Variants in ABCD4 observed in about 807,000 individuals in gnomAD.
ABCD4 encodes the protein lysosomal cobalamin transporter ABCD4.
In ABCD4, 53 loss-of-function variants were observed where a neutral mutation model predicts 86.3. The observed-to-expected ratio is 0.61, with a 90% CI of 0.49 to 0.77. ABCD4 has a LOEUF of 0.77. Among genes scored for constraint, ABCD4 ranks in the 30% least tolerant of loss-of-function variants. The pLI is 0.00. For synonymous variants in ABCD4, 328 were observed against 313.6 expected (o/e 1.05, Z -0.49); for missense variants, 757 against 764.5 (o/e 0.99, Z 0.12).
intron 11 of ABCD4, among the ~76,000 whole-genome samples, chr14:74,291,928 C>T (rs1217953619): frequency 6.6e-6 from 1 of 152,164 alleles, no homozygotes; most frequent in Non-Finnish European, 1.5e-5. Flanking sequence ...CGGATACAGA[C>T]ATCTCTGGGG....
chr14:74,292,966 C>T lies in ABCD4; in HGVS notation c.815-97G>A, dbSNP rs780540874. ...GGGAGCAGGACGCCAAGTAGGGCCA[C>T]GTGGACTCTCTGGATCCTCATTCTC... On this transcript the variant is annotated intron_variant, in intron 8 of 18. Transcript: ENST00000356924. 168 of 1,567,874 alleles carry T rather than the reference C, an allele frequency of 1.1e-4. No individual in the cohort carries two copies. The Admixed American group carries it at 1.3e-3, about 12-fold the overall frequency.
In ABCD4 at chr14:74,287,060, C is replaced by T. The variant is rs866931154; in HGVS notation, c.1637-244G>A. Among the ~76,000 whole-genome samples, 6 of 152,150 alleles carry T rather than the reference C, an allele frequency of 3.9e-5. No homozygotes were observed. In the East Asian group the frequency reaches 7.7e-4, roughly 20 times the overall value. On this transcript the variant is annotated intron_variant, in intron 17 of 18. Transcript: ENST00000356924. ...TTCTATAGATAAGCACCAGCCACTC[C>T]CTGGGACCACTCAATCCAGGGAATC...
At chr14:74,289,766 T>C (rs1326984807) in intron 13 of ABCD4, 3 of 1,434,760 alleles carry the variant, frequency 2.1e-6, no homozygotes, top group Non-Finnish European at 2.7e-6. Context: ...AATCCGACCT[T>C]GGGTGTTTGA....
At chr14:74,292,034 T>C (rs1277237167) in intron 11 of ABCD4, among the ~76,000 whole-genome samples, 1 of 152,304 alleles carries the variant, frequency 6.6e-6, no homozygotes, top group African/African-American at 2.4e-5. Flanking sequence ...GGGAGGACAC[T>C]GCAGATTCCT....
intron 12 of ABCD4, 48 bp downstream of exon 12, chr14:74,290,243 C>G (rs780439786): frequency 1.2e-6 from 2 of 1,612,250 alleles, no homozygotes; most frequent in Admixed American, 3.3e-5. Context: ...CTTCACCCCA[C>G]CCCTAGGGCC....
intron 1 of ABCD4, among the ~76,000 whole-genome samples, chr14:74,302,004 G>A (rs1460314524): frequency 2.0e-5 from 3 of 147,768 alleles, no homozygotes; most frequent in African/African-American, 5.0e-5. Flanking sequence ...GAACGATGGA[G>A]GGATACCGGG....
At position 74,287,850 on chromosome 14, in the gene ABCD4, G is replaced by C. The variant is rs762933401; in HGVS notation, c.1596C>G (p.Leu532=). 10 of 1,613,424 alleles carry C rather than the reference G, an allele frequency of 6.2e-6. No individual in the cohort carries two copies. The highest frequency in any genetic ancestry group is 2.2e-5 in the East Asian group (1 of 44,846). ...GCAGGTAGAAGAGTCGGGCAAAGGA[G>C]AGCCGTTGCATCTCCCCCGGGGACA... The part of the protein sequence containing the change: ...DVLSPGEMQR[L]SFARLFYLQP... Residue 532 remains leucine (L), a synonymous_variant, in exon 17 of 19, where the codon CTC becomes CTG. Coordinates refer to ENST00000356924, the MANE Select transcript of ABCD4 (RefSeq NM_005050.4).
At position 74,295,123 on chromosome 14, in the gene ABCD4, A is replaced by G. The variant is rs755650862; in HGVS notation, c.719+25T>C. On this transcript the variant is annotated intron_variant, in intron 7 of 18. Transcript: ENST00000356924. ...CCACTCTCAGCTCTGGCAAGGCAGA[A>G]GGGGAACCATCTCTCCAGACTCACC... is the stretch of plus-strand genomic sequence containing the variant. 3.7e-6 allele frequency: 6 copies of G among 1,613,628 alleles called. No homozygotes were observed. In the African/African-American group the frequency reaches 5.3e-5, roughly 14 times the overall value.
chr14:74,292,156 G>T, intron 11 of ABCD4, 131 bp downstream of exon 11: 1 of 804,532 alleles, frequency 1.2e-6, no homozygotes, highest in Non-Finnish European at 2.1e-6. Context: ...ACATGTGCCT[G>T]GCATTCCATT....
chr14:74,288,061 T>C, intron 16 of ABCD4, 146 bp downstream of exon 16: 3 of 1,090,978 alleles, frequency 2.7e-6, no homozygotes, highest in Non-Finnish European at 4.0e-6. Flanking sequence ...CAAAACTCTG[T>C]TCCCAAGGGC....
intron 4 of ABCD4, chr14:74,297,700 C>T (rs935574934): frequency 1.8e-5 from 22 of 1,229,794 alleles, no homozygotes; most frequent in Non-Finnish European, 1.8e-5. Context: ...GTTGGGACTA[C>T]AGGTGCATGC....
chr14:74,296,550 C>G (rs1267520541), intron 4 of ABCD4, 101 bp from the exon 5 acceptor site: 1 of 1,094,450 alleles, frequency 9.1e-7, no homozygotes, highest in Non-Finnish European at 1.4e-6. Flanking sequence ...CCTTGCCTCA[C>G]AGTGCTGTGA....
intron 4 of ABCD4, chr14:74,296,778 A>C (rs1293933029): frequency 8.2e-6 from 2 of 243,566 alleles, no homozygotes; most frequent in Admixed American, 1.0e-4. Context: ...GTTTTGGATG[A>C]TCAAGAAGAC....
In ABCD4 at chr14:74,298,079, G is replaced by C. The variant is rs745870763; in HGVS notation, c.286-10C>G. On this transcript the variant is annotated splice_polypyrimidine_tract_variant and intron_variant, in intron 3 of 18. Transcript: ENST00000356924. ...GATCAAAGCTCTTCAGCTGTGCAGT[G>C]GGGGAAGCAAGGGGAAGGGAGAGAT... 64 of 1,612,680 alleles carry C rather than the reference G, an allele frequency of 4.0e-5. No individual in the cohort carries two copies. The East Asian group carries it at 8.5e-4, about 21-fold the overall frequency.
In ABCD4 at chr14:74,292,427, G is replaced by T. The variant is rs115943863; in HGVS notation, c.1029-51C>A. On this transcript the variant is annotated intron_variant, in intron 10 of 18. Transcript: ENST00000356924. ...CAGGGTCTGGGAGCCAGGTGAAGGT[G>T]AACTCCTTTTCCTATCTCACACCCA... is the stretch of plus-strand genomic sequence containing the variant. The T allele has an allele frequency of 1.3e-4, 212 of 1,604,230 alleles. No individual in the cohort carries two copies. In the African/African-American group the frequency reaches 2.7e-3, roughly 20 times the overall value.
At position 74,295,895 on chromosome 14, in the gene ABCD4, C is replaced by A; in HGVS notation, c.627G>T (p.Val209=). Residue 209 remains valine, a synonymous_variant, in exon 6 of 19, where the codon GTG becomes GTT. Transcript: ENST00000356924. The part of the protein sequence containing the change: ...VVNKTLMGPI[V]MKLVHQEKLE... ...GCTTCTCCTGATGCACCAGCTTCATCACAATGGGGCCCATCAAAGTTTTGT... is the reference window on the plus strand; with the variant it reads ...GCTTCTCCTGATGCACCAGCTTCATAACAATGGGGCCCATCAAAGTTTTGT... The A allele has an allele frequency of 6.2e-7, 1 of 1,612,974 alleles. No individual in the cohort carries two copies. Among genetic ancestry groups the A allele is most frequent in the Non-Finnish European group, 8.5e-7 (1 of 1,179,776 alleles).
At position 74,298,047 on chromosome 14, in the gene ABCD4, G is replaced by A. The variant is rs757086758; in HGVS notation, c.308C>T (p.Thr103Ile). ...NSTLKSFDQF[T>I]CNLLYVSWRK... ...CCAGCTCACATACAGCAGGTTGCAG[G>A]TGAACTGATCAAAGCTCTTCAGCTG... Residue 103 changes from threonine to isoleucine, a missense_variant, in exon 4 of 19, where the codon ACC becomes ATC. Thr to Ile is a moderately conservative substitution (Grantham distance 89). Transcript: ENST00000356924. The A allele has an allele frequency of 8.7e-6, 14 of 1,613,788 alleles. No individual in the cohort carries two copies. Among genetic ancestry groups the A allele is most frequent in the East Asian group, 6.7e-5 (3 of 44,884 alleles).
chr14:74,299,664 T>C lies in ABCD4; in HGVS notation c.169A>G (p.Ile57Val). 6.2e-7 allele frequency: 1 copy of C among 1,612,758 alleles called. No homozygotes were observed. Residue 57 changes from isoleucine (I) to valine (V), a missense_variant, in exon 3 of 19, where the codon ATC becomes GTC. Coordinates refer to ENST00000356924, the MANE Select transcript of ABCD4 (RefSeq NM_005050.4). ...LCLTLLEQFV[I>V]YQVGLIPSQY... ...CTGGGGATCAAGCCAACCTGGTAGA[T>C]CACAAATTGCTCTGAAAGGAGGGAG...
In ABCD4 at chr14:74,290,030, CTCCCGAAGGG is replaced by C; in HGVS notation, c.1406_1415del (p.Thr469SerfsTer3). On this transcript the variant is annotated frameshift_variant, in exon 13 of 19. Transcript: ENST00000356924. LOFTEE classifies it high-confidence loss of function. ...GAGCCCCCTGAACTAGACTGACCTG[CTCCCGAAGGG>C]TCCCGTCAGTGAAGAATGGCTTTTG... 1 of 1,614,122 alleles carries C rather than the reference CTCCCGAAGGG, an allele frequency of 6.2e-7. No homozygotes were observed. Among genetic ancestry groups the C allele is most frequent in the Non-Finnish European group, 8.5e-7 (1 of 1,180,036 alleles).
Sources: gnomAD v4.1 joint callset for allele counts (sites outside exome capture counted in the v4.1 genomes callset) on GRCh38, gnomAD v4.1.1 for gene constraint, MANE v1.5 for transcripts, NCBI Gene and HGNC (gene_info 2026-07-23, HGNC 2026-07-21) for gene names.